Variants in ROBO2 observed in about 807,000 individuals in gnomAD.
ROBO2 encodes the protein roundabout guidance receptor 2, also known as roundabout homolog 2.
In ROBO2, 53 loss-of-function variants were observed where a neutral mutation model predicts 160.8. The observed-to-expected ratio is 0.33, with a 90% CI of 0.26 to 0.41. The LOEUF is 0.41. ROBO2 is among the 10% of genes least tolerant of loss of function. The pLI is 1.00. For missense variants in ROBO2, 1,577 were observed against 1,722.4 expected (o/e 0.92, Z 1.49); for synonymous variants, 664 against 611.7 (o/e 1.09, Z -1.26).
intron 6 of ROBO2, chr3:77,538,964 G>C (rs2092320031): frequency 2.3e-6 from 1 of 432,072 alleles, no homozygotes; most frequent in Non-Finnish European, 4.6e-6. Context: ...GCCCAGGCTG[G>C]AGAGCAGTGG....
intron 2 of ROBO2, among the ~76,000 whole-genome samples, chr3:76,897,748 T>A (rs193090708): frequency 1.4e-4 from 21 of 151,870 alleles, no homozygotes; most frequent in Non-Finnish European, 2.4e-4. Flanking sequence ...GAGCTGGATA[T>A]GGAATATGAA....
chr3:77,414,261 T>C (rs2077032780), intron 2 of ROBO2, among the ~76,000 whole-genome samples: 1 of 152,296 alleles, frequency 6.6e-6, no homozygotes, highest in Middle Eastern at 3.4e-3. Flanking sequence ...GAAACAGCAA[T>C]GTGGAGATTA....
chr3:76,284,134 A>G (rs1040009057), intron 2 of ROBO2, among the ~76,000 whole-genome samples: 2 of 152,026 alleles, frequency 1.3e-5, no homozygotes, highest in African/African-American at 4.8e-5. Flanking sequence ...ATAGATGTAT[A>G]GGTCTCTTTG....
rs188205149 is a variant in ROBO2, at chr3:76,860,406, A to G, written c.110-237608A>G. Among the ~76,000 whole-genome samples, 236 of 152,366 alleles carry G rather than the reference A, an allele frequency of 1.5e-3. 1 individual carries two copies. Among genetic ancestry groups the G allele is most frequent in the Admixed American group, 0.011 (164 of 15,312 alleles). ...GATGAGTTCCCTCAGCTGATTTGTA[A>G]CAGAGCTAGAAGCAGAAGCCAGGCT... On this transcript the variant is annotated intron_variant, in intron 2 of 26. Coordinates refer to the ROBO2 transcript ENST00000487694.
chr3:76,845,315 A>G (rs920893893), intron 2 of ROBO2, among the ~76,000 whole-genome samples: 2 of 151,996 alleles, frequency 1.3e-5, no homozygotes, highest in African/African-American at 4.8e-5. Flanking sequence ...ACAAATTATG[A>G]AAGGAGAATA....
Position 76,477,454 on chromosome 3 carries a change from G to A in ROBO2, c.109+539852G>A, listed in dbSNP as rs982864061. Among the ~76,000 whole-genome samples the A allele has an allele frequency of 1.6e-4, 24 of 152,022 alleles. 1 individual carries two copies. On this transcript the variant is annotated intron_variant, in intron 2 of 26. Transcript: ENST00000487694. ...TGACAGTTGCAATGCTATAGAAATA[G>A]CAAACAAGTTTTACAACAAAATACA...
intron 2 of ROBO2, among the ~76,000 whole-genome samples, chr3:76,683,483 T>G (rs2092616582): frequency 7.3e-6 from 1 of 137,106 alleles, no homozygotes; most frequent in African/African-American, 2.8e-5. Context: ...AAAAAAAACC[T>G]GGAAAACACA....
At chr3:77,235,120 C>T (rs1414509525) in intron 2 of ROBO2, among the ~76,000 whole-genome samples, 2 of 152,042 alleles carry the variant, frequency 1.3e-5, no homozygotes, top group East Asian at 1.9e-4. Context: ...AAAACAATTA[C>T]TTTTTATTAT....
intron 2 of ROBO2, among the ~76,000 whole-genome samples, chr3:76,002,373 G>A (rs938526632): frequency 2.0e-5 from 3 of 151,978 alleles, no homozygotes; most frequent in Admixed American, 6.6e-5. Flanking sequence ...CGTAACTCCC[G>A]TGTGTTGTGG....
At chr3:77,130,227 C>T (rs543714896) in intron 2 of ROBO2, among the ~76,000 whole-genome samples, 35 of 152,210 alleles carry the variant, frequency 2.3e-4, no homozygotes, top group Non-Finnish European at 4.3e-4. Context: ...ATCTTCAAGC[C>T]TCTCGTCTCC....
At chr3:75,981,159 A>G (rs190429300) in intron 2 of ROBO2, among the ~76,000 whole-genome samples, 240 of 151,598 alleles carry the variant, frequency 1.6e-3, no homozygotes, top group Non-Finnish European at 2.6e-3. Context: ...ACAAGGGCCC[A>G]TGTGTTTTTT....
At chr3:76,795,490 A>C (rs1004938683) in intron 2 of ROBO2, among the ~76,000 whole-genome samples, 1 of 152,112 alleles carries the variant, frequency 6.6e-6, no homozygotes, top group African/African-American at 2.4e-5. Context: ...CCAGAAGTAG[A>C]TTCCATCTCA....
chr3:77,393,737 A>C (rs1357764574), intron 2 of ROBO2, among the ~76,000 whole-genome samples: 1 of 151,696 alleles, frequency 6.6e-6, no homozygotes, highest in Non-Finnish European at 1.5e-5. Context: ...CCCAAGTCAT[A>C]TATTATTAGT....
chr3:76,285,500 A>C (rs1179305650), intron 2 of ROBO2, among the ~76,000 whole-genome samples: 1 of 152,100 alleles, frequency 6.6e-6, no homozygotes, highest in Non-Finnish European at 1.5e-5. Flanking sequence ...TTACTATTAA[A>C]ATATTTTGAT....
At chr3:77,239,205 G>A (rs1281187779) in intron 2 of ROBO2, among the ~76,000 whole-genome samples, 1 of 152,114 alleles carries the variant, frequency 6.6e-6, no homozygotes, top group African/African-American at 2.4e-5. Flanking sequence ...ATGGTAGGAC[G>A]TGTTCGGAGT....
At chr3:77,098,832 G>A (rs1393901827) in intron 2 of ROBO2, among the ~76,000 whole-genome samples, 1 of 151,746 alleles carries the variant, frequency 6.6e-6, no homozygotes, top group Non-Finnish European at 1.5e-5. Flanking sequence ...CTCCAGCCTG[G>A]GCGACAGAGC....
intron 2 of ROBO2, among the ~76,000 whole-genome samples, chr3:76,059,790 T>C (rs111401136): frequency 0.02 from 3,114 of 152,248 alleles, 43 homozygotes; most frequent in East Asian, 0.08. Context: ...TTAGGTCTAA[T>C]ATGTAAGTCT....
intron 2 of ROBO2, among the ~76,000 whole-genome samples, chr3:77,368,189 T>G (rs1013480911): frequency 6.6e-6 from 1 of 152,146 alleles, no homozygotes; most frequent in African/African-American, 2.4e-5. Context: ...ATGCTTTGTC[T>G]GTATTAAATT....
At chr3:76,188,665 T>C (rs566065770) in intron 2 of ROBO2, among the ~76,000 whole-genome samples, 3 of 152,230 alleles carry the variant, frequency 2.0e-5, no homozygotes, top group South Asian at 2.1e-4. Flanking sequence ...CTATCTAACC[T>C]GTTTTGTTTT....
Sources: allele counts gnomAD v4.1 joint callset (sites outside exome capture counted in the v4.1 genomes callset), GRCh38; gene constraint gnomAD v4.1.1; transcripts MANE v1.5; gene names NCBI Gene and HGNC (gene_info 2026-07-23, HGNC 2026-07-21).